MAPK10: variants seen among roughly 807,000 people sequenced by gnomAD.
MAPK10 encodes the protein mitogen-activated protein kinase 10.
In MAPK10, 25 loss-of-function variants were observed where a neutral mutation model predicts 59.3. That is an observed-to-expected ratio of 0.42 (90% CI 0.31 to 0.59). The LOEUF is 0.59. MAPK10 is among the 20% of genes least tolerant of loss of function. The pLI is 0.15. For missense variants in MAPK10, 351 were observed against 568.9 expected, an observed-to-expected ratio of 0.62 and a Z score of 3.90; for synonymous variants, 190 against 200.5, an observed-to-expected ratio of 0.95 and a Z score of 0.44.
chr4:86,294,394 C>T (rs1484946924), intron 2 of MAPK10, among the ~76,000 whole-genome samples: 1 of 152,058 alleles, frequency 6.6e-6, no homozygotes, highest in Non-Finnish European at 1.5e-5. Flanking sequence ...AAGTGTGGGC[C>T]AGAGTTTACA....
chr4:86,223,472 T>C (rs1211237735), intron 2 of MAPK10, among the ~76,000 whole-genome samples: 1 of 152,238 alleles, frequency 6.6e-6, no homozygotes, highest in Non-Finnish European at 1.5e-5. Flanking sequence ...CTCCTGAGAA[T>C]GGAGGCTCTC....
intron 4 of MAPK10, among the ~76,000 whole-genome samples, chr4:86,118,657 A>AT (rs1488296794): frequency 1.3e-5 from 2 of 151,396 alleles, no homozygotes; most frequent in Admixed American, 1.3e-4. Context: ...TTTATCAGGT[A>AT]TTTTTTTCTT....
chr4:86,545,209 A>G (rs1380968307), intron 1 of MAPK10, among the ~76,000 whole-genome samples: 1 of 152,228 alleles, frequency 6.6e-6, no homozygotes, highest in Non-Finnish European at 1.5e-5. Flanking sequence ...GAGTGCAAGG[A>G]CTTGTTTACA....
chr4:86,379,471 A>G (rs1740351742), intron 1 of MAPK10, among the ~76,000 whole-genome samples: 1 of 152,306 alleles, frequency 6.6e-6, no homozygotes, highest in African/African-American at 2.4e-5. Flanking sequence ...GCCATAAACA[A>G]AATCTCTGCA....
intron 1 of MAPK10, among the ~76,000 whole-genome samples, chr4:86,420,737 C>T (rs1251222839): frequency 5.9e-5 from 9 of 152,098 alleles, no homozygotes; most frequent in African/African-American, 1.2e-4. Context: ...TGCAGTGAGT[C>T]GAGATCACGC....
At chr4:86,395,189 C>T (rs938855596) in intron 1 of MAPK10, among the ~76,000 whole-genome samples, 1 of 152,018 alleles carries the variant, frequency 6.6e-6, no homozygotes, top group Non-Finnish European at 1.5e-5. Flanking sequence ...GTTTTATAAT[C>T]ATACCAAAAA....
chr4:86,063,966 G>A (rs1410070630), intron 11 of MAPK10, among the ~76,000 whole-genome samples: 2 of 152,080 alleles, frequency 1.3e-5, no homozygotes, highest in African/African-American at 4.8e-5. Context: ...GAAGAGACTG[G>A]CAGTCAAACA....
intron 9 of MAPK10, among the ~76,000 whole-genome samples, chr4:86,076,113 C>T (rs1391061850): frequency 1.1e-4 from 16 of 152,200 alleles, no homozygotes; most frequent in Admixed American, 1.0e-3. Flanking sequence ...GCTTTTTAAG[C>T]CGGTCTGAAA....
intron 1 of MAPK10, chr4:86,392,511 G>A (rs1251117936): frequency 6.6e-6 from 1 of 150,874 alleles, no homozygotes; most frequent in Non-Finnish European, 1.5e-5. Context: ...AGACACACCT[G>A]TTCAGTTACA....
At chr4:86,205,092 T>C (rs1484655340) in intron 2 of MAPK10, among the ~76,000 whole-genome samples, 1 of 151,972 alleles carries the variant, frequency 6.6e-6, no homozygotes, top group African/African-American at 2.4e-5. Flanking sequence ...TAAGCTATCA[T>C]GACTAAGCCA....
chr4:86,136,960 T>G (rs1029569772), intron 4 of MAPK10, among the ~76,000 whole-genome samples: 39 of 152,042 alleles, frequency 2.6e-4, no homozygotes, highest in African/African-American at 4.6e-4. Flanking sequence ...AATGGTAAAG[T>G]GATCAATTCA....
chr4:86,415,134 G>A (rs1437800337), intron 1 of MAPK10, among the ~76,000 whole-genome samples: 5 of 94,300 alleles, frequency 5.3e-5, no homozygotes, highest in Non-Finnish European at 6.6e-5. Context: ...CCAAGATTCT[G>A]TCAAAAAAAA....
chr4:86,499,433 T>G (rs1755131807), intron 1 of MAPK10, among the ~76,000 whole-genome samples: 2 of 152,174 alleles, frequency 1.3e-5, no homozygotes, highest in Non-Finnish European at 2.9e-5. Flanking sequence ...ACAATTCTGC[T>G]GATGCACTTG....
At chr4:86,197,956 G>A (rs2081751455) in intron 2 of MAPK10, among the ~76,000 whole-genome samples, 1 of 152,110 alleles carries the variant, frequency 6.6e-6, no homozygotes, top group Admixed American at 6.6e-5. Context: ...ACATACATGG[G>A]AACCTGATTA....
intron 2 of MAPK10, among the ~76,000 whole-genome samples, chr4:86,291,481 T>G (rs1165533569): frequency 6.6e-6 from 1 of 152,174 alleles, no homozygotes. Context: ...TCTGGTCTAG[T>G]GGTTACAGAA....
chr4:86,215,787 G>A (rs11097101), intron 2 of MAPK10, among the ~76,000 whole-genome samples: 29,959 of 152,034 alleles, frequency 0.2, 3,570 homozygotes, highest in African/African-American at 0.33. Flanking sequence ...GCTTGAACCC[G>A]GGAGGCGGAG....
intron 1 of MAPK10, chr4:86,399,926 A>G (rs1331489848): frequency 6.6e-6 from 1 of 152,190 alleles, no homozygotes; most frequent in African/African-American, 2.4e-5. Flanking sequence ...TATAATAGAC[A>G]TAGAATTATC....
chr4:86,501,710 GCAGT>G (rs1755350176), intron 1 of MAPK10, among the ~76,000 whole-genome samples: 2 of 151,054 alleles, frequency 1.3e-5, no homozygotes, highest in Non-Finnish European at 2.9e-5. Flanking sequence ...ACACTACTGT[GCAGT>G]CAAAGAACAG....
At chr4:86,206,990 G>T (rs1185620469) in intron 2 of MAPK10, among the ~76,000 whole-genome samples, 2 of 151,890 alleles carry the variant, frequency 1.3e-5, no homozygotes, top group Admixed American at 6.6e-5. Context: ...CTCCCATTTT[G>T]TAGGTTGCCT....
Sources: gnomAD v4.1 joint callset for allele counts (sites outside exome capture counted in the v4.1 genomes callset) on GRCh38, gnomAD v4.1.1 for gene constraint, MANE v1.5 for transcripts, NCBI Gene and HGNC (gene_info 2026-07-23, HGNC 2026-07-21) for gene names.